The following ERC2 variants were observed in gnomAD, a reference collection of about 807,000 sequenced individuals.
The protein encoded by ERC2 is ELKS/RAB6-interacting/CAST family member 2.
Under a neutral mutation model 114.8 loss-of-function variants are expected in ERC2, and 42 were observed. The observed-to-expected ratio is 0.37, with a 90% CI of 0.29 to 0.47. The LOEUF is 0.47. Among genes scored for constraint, ERC2 ranks in the 20% least tolerant of loss-of-function variants. The pLI is 0.99. For missense variants in ERC2, 939 were observed against 1,150.7 expected (o/e 0.82, Z 2.66); for synonymous variants, 454 against 425.5 (o/e 1.07, Z -0.82).
intron 7 of ERC2, among the ~76,000 whole-genome samples, chr3:56,065,702 C>G (rs1022428300): frequency 3.3e-5 from 5 of 152,044 alleles, no homozygotes; most frequent in African/African-American, 1.2e-4. Flanking sequence ...CTGTGACCCC[C>G]CTGCCCCTAC....
intron 17 of ERC2, among the ~76,000 whole-genome samples, chr3:55,554,758 C>T (rs1008259625): frequency 6.6e-6 from 1 of 152,160 alleles, no homozygotes; most frequent in African/African-American, 2.4e-5. Flanking sequence ...GCAAGCTGCC[C>T]TTGTTTTAAA....
chr3:55,751,746 G>A (rs978672435), intron 14 of ERC2, among the ~76,000 whole-genome samples: 1 of 152,142 alleles, frequency 6.6e-6, no homozygotes, highest in Non-Finnish European at 1.5e-5. Context: ...AATGGCCTGG[G>A]CTCCCTCATA....
chr3:56,272,516 T>C (rs564547205), intron 3 of ERC2, among the ~76,000 whole-genome samples: 1 of 152,242 alleles, frequency 6.6e-6, no homozygotes, highest in Non-Finnish European at 1.5e-5. Flanking sequence ...ATGCCTGTTA[T>C]CCCAGCACTT....
chr3:55,701,407 C>G (rs974381241), intron 15 of ERC2, among the ~76,000 whole-genome samples: 1 of 152,130 alleles, frequency 6.6e-6, no homozygotes, highest in Non-Finnish European at 1.5e-5. Flanking sequence ...GTAGAAAGAA[C>G]TTTCCCATAA....
intron 4 of ERC2, among the ~76,000 whole-genome samples, chr3:56,151,686 T>A (rs2081419627): frequency 2.0e-5 from 3 of 152,184 alleles, no homozygotes; most frequent in African/African-American, 7.2e-5. Flanking sequence ...TAAAAATCGC[T>A]AACACTAAGA....
intron 14 of ERC2, among the ~76,000 whole-genome samples, chr3:55,765,492 T>C (rs1243318000): frequency 1.3e-5 from 2 of 152,196 alleles, no homozygotes; most frequent in Admixed American, 1.3e-4. Context: ...AGCTATTGTA[T>C]TCCACCCAAT....
intron 2 of ERC2, among the ~76,000 whole-genome samples, chr3:56,376,921 G>A (rs2059568196): frequency 6.6e-6 from 1 of 152,158 alleles, no homozygotes; most frequent in Admixed American, 6.5e-5. Context: ...AATATCATTT[G>A]GGAGGCAACA....
At chr3:55,861,226 G>A (rs2062013932) in intron 14 of ERC2, among the ~76,000 whole-genome samples, 1 of 152,186 alleles carries the variant, frequency 6.6e-6, no homozygotes, top group South Asian at 2.1e-4. Flanking sequence ...AGACATCAAA[G>A]GCAGATCCAT....
At chr3:55,848,509 T>C (rs571499656) in intron 14 of ERC2, among the ~76,000 whole-genome samples, 1 of 152,162 alleles carries the variant, frequency 6.6e-6, no homozygotes, top group Non-Finnish European at 1.5e-5. Context: ...CCAAATTCCT[T>C]ATGGTGGCAT....
At chr3:55,809,047 A>T (rs1204704429) in intron 14 of ERC2, among the ~76,000 whole-genome samples, 1 of 151,942 alleles carries the variant, frequency 6.6e-6, no homozygotes, top group Non-Finnish European at 1.5e-5. Flanking sequence ...CAGTCTTTTT[A>T]AAAAAATCCT....
At chr3:56,134,488 G>A (rs529035384) in intron 6 of ERC2, among the ~76,000 whole-genome samples, 35 of 152,304 alleles carry the variant, frequency 2.3e-4, no homozygotes, top group African/African-American at 8.4e-4. Flanking sequence ...TCTTGGAAAT[G>A]CTCTAGAGCA....
intron 14 of ERC2, among the ~76,000 whole-genome samples, chr3:55,798,181 T>A (rs2070670819): frequency 6.6e-6 from 1 of 152,116 alleles, no homozygotes; most frequent in Non-Finnish European, 1.5e-5. Flanking sequence ...TGGCTAATAA[T>A]TAAACAGAAC....
chr3:56,233,971 TTTAA>T (rs2050787367), intron 3 of ERC2, among the ~76,000 whole-genome samples: 3 of 152,218 alleles, frequency 2.0e-5, no homozygotes, highest in South Asian at 2.1e-4. Flanking sequence ...TCTTACAATC[TTTAA>T]TTAAACCACA....
At chr3:55,684,785 C>T (rs1166251865) in intron 16 of ERC2, among the ~76,000 whole-genome samples, 1 of 152,176 alleles carries the variant, frequency 6.6e-6, no homozygotes, top group Non-Finnish European at 1.5e-5. Flanking sequence ...ACAATTCTCA[C>T]AGTTTACTGC....
intron 14 of ERC2, among the ~76,000 whole-genome samples, chr3:55,762,265 T>C (rs1424155985): frequency 6.6e-6 from 1 of 152,172 alleles, no homozygotes; most frequent in African/African-American, 2.4e-5. Context: ...GGATGGACTA[T>C]TCTAAACATT....
In ERC2 at chr3:56,434,664, A is replaced by G. The variant is rs766865005; in HGVS notation, c.344T>C (p.Leu115Pro). 3.7e-6 allele frequency: 6 copies of G among 1,613,864 alleles called. No individual in the cohort carries two copies. The Admixed American group carries it at 8.3e-5, about 22-fold the overall frequency. ...CCCACCATGTTGATCTGTGTATGAAAGGACATCTGTGTGGGAAAGTCCAGC... is the reference window on the plus strand; with the variant it reads ...CCCACCATGTTGATCTGTGTATGAAGGGACATCTGTGTGGGAAAGTCCAGC... ...ASAGLSHTDV[L>P]SYTDQHGGLT... is the part of the protein sequence containing the mutation. Residue 115 changes from leucine to proline, a missense_variant, in exon 2 of 18, where the codon CTT (leucine) becomes CCT (proline). Transcript: ENST00000288221.
At chr3:56,362,326 A>G (rs1321440969) in intron 2 of ERC2, among the ~76,000 whole-genome samples, 1 of 152,210 alleles carries the variant, frequency 6.6e-6, no homozygotes, top group Non-Finnish European at 1.5e-5. Context: ...CAAAATAAGG[A>G]AAACACCTTT....
chr3:56,148,054 C>G (rs898789367), intron 5 of ERC2, among the ~76,000 whole-genome samples: 4 of 152,084 alleles, frequency 2.6e-5, no homozygotes, highest in African/African-American at 9.7e-5. Flanking sequence ...ATACCACTGT[C>G]AACAACAATG....
At chr3:55,914,019 ATTT>A in intron 13 of ERC2, among the ~76,000 whole-genome samples, 1 of 150,902 alleles carries the variant, frequency 6.6e-6, no homozygotes, top group Non-Finnish European at 1.5e-5. Flanking sequence ...CTTTATGACA[ATTT>A]TTTTTTTTTT....
Sources: allele counts gnomAD v4.1 joint callset (sites outside exome capture counted in the v4.1 genomes callset), GRCh38; gene constraint gnomAD v4.1.1; transcripts MANE v1.5; gene names NCBI Gene and HGNC (gene_info 2026-07-23, HGNC 2026-07-21).